Variants in IL23R observed in about 807,000 individuals in gnomAD.
IL23R encodes the protein interleukin-23 receptor.
In IL23R, 34 loss-of-function variants were observed where a neutral mutation model predicts 56.9. The ratio of observed to expected loss-of-function variants is 0.60; its 90% confidence interval spans 0.45 to 0.80. The LOEUF is 0.80. Ranked by LOEUF, IL23R falls within the 30% of genes least tolerant of loss-of-function variation. The probability of loss-of-function intolerance (pLI) is 0.00; values close to 1 mark genes in which losing one functional copy is unlikely to be tolerated. For missense variants in IL23R, 635 were observed against 730.0 expected, an observed-to-expected ratio of 0.87 and a Z score of 1.50; for synonymous variants, 230 against 249.2, an observed-to-expected ratio of 0.92 and a Z score of 0.73.
At chr1:67,168,279 TC>T (rs1646897894) in intron 2 of IL23R, 89 bp downstream of exon 2, 1 of 1,000,196 alleles carries the variant, frequency 1.0e-6, no homozygotes. Flanking sequence ...TGTTAGAATC[TC>T]TGAAGAATAC....
In IL23R at chr1:67,259,671, T is replaced by C. The variant is rs1249031992; in HGVS notation, c.*543T>C. The C allele has an allele frequency of 6.2e-6, 1 of 160,098 alleles. No homozygotes were observed. Among genetic ancestry groups the C allele is most frequent in the Non-Finnish European group, 1.4e-5 (1 of 73,088 alleles). The allele number at this position is 160,098 out of a possible 1,614,324, so 9.9% of individuals were successfully genotyped here. A position where few individuals can be genotyped will look rare whatever the true frequency, so the allele number is the denominator to read the frequency against. ...AAATGCTGAAAATTTTCCTTTAAAA[T>C]AGAATCATTAGGCCAGGCGTGGTGG... On this transcript the variant is annotated 3_prime_UTR_variant, in exon 11 of 11. Transcript: ENST00000347310.
At chr1:67,226,072 A>G (rs1329547335) in intron 7 of IL23R, among the ~76,000 whole-genome samples, 3 of 152,214 alleles carry the variant, frequency 2.0e-5, no homozygotes, top group African/African-American at 4.8e-5. Flanking sequence ...GCCAAGGCAC[A>G]TGCTCAAACC....
In IL23R at chr1:67,227,427, ACT is replaced by A. The variant is rs529398758; in HGVS notation, c.955+7700_955+7701del. On this transcript the variant is annotated intron_variant, in intron 7 of 10. Transcript: ENST00000347310. ...AAAAGTTTCCCAGAGAACTCATATT[ACT>A]CTTTTTTTTTTTTTGACAGTTTTCC... 3.9e-3 allele frequency among the ~76,000 whole-genome samples: 218 copies of A among 55,540 alleles called. 1 individual carries two copies. The highest frequency in any genetic ancestry group is 0.012 in the African/African-American group (214 of 17,228). The allele number at this position is 55,540 out of a possible 152,430, so 36.4% of individuals were successfully genotyped here. A position where few individuals can be genotyped will look rare whatever the true frequency, so the allele number is the denominator to read the frequency against.
At chr1:67,152,154 G>C (rs1570757872) in intron 1 of IL23R, among the ~76,000 whole-genome samples, 1 of 152,132 alleles carries the variant, frequency 6.6e-6, no homozygotes, top group African/African-American at 2.4e-5. Flanking sequence ...GTGGTTTGCA[G>C]TTCTCCTTGA....
intron 4 of IL23R, 65 bp downstream of exon 4, chr1:67,183,024 C>T: frequency 6.4e-7 from 1 of 1,572,278 alleles, no homozygotes; most frequent in Non-Finnish European, 8.7e-7. Flanking sequence ...GCTCTGCCTC[C>T]AGCAGAGATC....
chr1:67,263,797 G>C (rs1653275987), downstream of IL23R, among the ~76,000 whole-genome samples: 1 of 151,796 alleles, frequency 6.6e-6, no homozygotes, highest in Non-Finnish European at 1.5e-5. Context: ...CCAGGAGGTG[G>C]AGGTTGCAGT....
At chr1:67,197,062 G>A (rs1403223667) in intron 4 of IL23R, among the ~76,000 whole-genome samples, 1 of 152,182 alleles carries the variant, frequency 6.6e-6, no homozygotes, top group Non-Finnish European at 1.5e-5. Context: ...CCCAGAAAAA[G>A]GGGTCAGGGA....
intron 1 of IL23R, among the ~76,000 whole-genome samples, chr1:67,157,068 C>A (rs1368560038): frequency 2.0e-5 from 3 of 152,186 alleles, no homozygotes; most frequent in Admixed American, 2.0e-4. Context: ...CTGCTCCATG[C>A]ACTTCCCAGT....
intron 1 of IL23R, among the ~76,000 whole-genome samples, chr1:67,144,330 T>C (rs1033460588): frequency 5.9e-5 from 9 of 152,242 alleles, no homozygotes; most frequent in African/African-American, 1.9e-4. Flanking sequence ...GATTTGTCTC[T>C]TTTATATTGG....
chr1:67,184,436 C>A (rs934780196), intron 4 of IL23R, among the ~76,000 whole-genome samples: 8 of 151,742 alleles, frequency 5.3e-5, no homozygotes, highest in Admixed American at 2.0e-4. Context: ...ATCCCAGCTA[C>A]TGGGGAGGCC....
At chr1:67,202,644 A>G (rs1648722927) in intron 5 of IL23R, among the ~76,000 whole-genome samples, 1 of 152,154 alleles carries the variant, frequency 6.6e-6, no homozygotes, top group Admixed American at 6.5e-5. Flanking sequence ...AAAATTTGAG[A>G]TCACAGAGGT....
chr1:67,150,248 CT>C (rs552806817), intron 1 of IL23R, among the ~76,000 whole-genome samples: 2,407 of 110,264 alleles, frequency 0.022, 52 homozygotes, highest in African/African-American at 0.074. Flanking sequence ...GCATTTCGAA[CT>C]TTTTTTTTTT....
At chr1:67,237,048 T>A (rs1333138163) in intron 8 of IL23R, among the ~76,000 whole-genome samples, 3 of 152,212 alleles carry the variant, frequency 2.0e-5, no homozygotes, top group Non-Finnish European at 4.4e-5. Flanking sequence ...TTATTTATTT[T>A]ATTTTATTTT....
intron 7 of IL23R, among the ~76,000 whole-genome samples, chr1:67,233,378 C>T (rs1651236670): frequency 6.6e-6 from 1 of 151,300 alleles, no homozygotes; most frequent in Admixed American, 6.6e-5. Flanking sequence ...AAAAAAAAAT[C>T]CGGTTTTGAT....
chr1:67,246,274 T>C (rs1324039266), intron 9 of IL23R, among the ~76,000 whole-genome samples: 1 of 152,176 alleles, frequency 6.6e-6, no homozygotes, highest in Non-Finnish European at 1.5e-5. Flanking sequence ...CCTGGATTCA[T>C]TGATTTTTTT....
chr1:67,160,553 T>C (rs1446754011), intron 1 of IL23R, among the ~76,000 whole-genome samples: 1 of 152,226 alleles, frequency 6.6e-6, no homozygotes, highest in African/African-American at 2.4e-5. Context: ...GATATCTTTG[T>C]TAATTTGGAC....
chr1:67,153,516 CT>C (rs746591352), intron 1 of IL23R, among the ~76,000 whole-genome samples: 6 of 152,018 alleles, frequency 3.9e-5, no homozygotes, highest in Non-Finnish European at 7.4e-5. Context: ...TCTTGCTTCT[CT>C]GGTTCTTTTA....
intron 5 of IL23R, among the ~76,000 whole-genome samples, chr1:67,203,909 T>C (rs1266320844): frequency 6.6e-6 from 1 of 152,174 alleles, no homozygotes; most frequent in East Asian, 1.9e-4. Flanking sequence ...GGTACAGAAA[T>C]TGCTGTGCTT....
At chr1:67,162,960 T>C (rs1034384419), upstream of IL23R, among the ~76,000 whole-genome samples, 1 of 152,214 alleles carries the variant, frequency 6.6e-6, no homozygotes, top group African/African-American at 2.4e-5. Context: ...GCTAGAGTTG[T>C]ATGTTGAAGG....
Sources: gnomAD v4.1 joint callset for allele counts (sites outside exome capture counted in the v4.1 genomes callset) on GRCh38, gnomAD v4.1.1 for gene constraint, MANE v1.5 for transcripts, NCBI Gene and HGNC (gene_info 2026-07-23, HGNC 2026-07-21) for gene names.